FHIT: variants seen among roughly 807,000 people sequenced by gnomAD.
FHIT encodes fragile histidine triad diadenosine triphosphatase, also known as bis(5'-adenosyl)-triphosphatase.
In FHIT, 19 loss-of-function variants were observed where a neutral mutation model predicts 17.9. The observed-to-expected ratio is 1.06, with a 90% CI of 0.74 to 1.56. FHIT has a LOEUF of 1.56. Among genes scored for constraint, FHIT ranks in the 40% most tolerant of loss-of-function variants. The probability of loss-of-function intolerance (pLI) is 0.00; values close to 1 mark genes in which losing one functional copy is unlikely to be tolerated. For missense variants in FHIT, 248 were observed against 189.2 expected (o/e 1.31, Z -1.82); for synonymous variants, 81 against 69.7 (o/e 1.16, Z -0.81).
At chr3:60,278,790 T>C (rs541419800) in intron 5 of FHIT, among the ~76,000 whole-genome samples, 14 of 151,786 alleles carry the variant, frequency 9.2e-5, no homozygotes, top group Non-Finnish European at 1.8e-4. Context: ...AAATAAGGCA[T>C]GCAAAAAGAA....
chr3:60,220,017 G>A (rs958695432), intron 5 of FHIT, among the ~76,000 whole-genome samples: 2 of 152,154 alleles, frequency 1.3e-5, no homozygotes, highest in South Asian at 2.1e-4. Flanking sequence ...CAGTCCCCCT[G>A]ATACAAAAGC....
chr3:59,937,835 A>T (rs1156587195), intron 7 of FHIT, among the ~76,000 whole-genome samples: 1 of 152,206 alleles, frequency 6.6e-6, no homozygotes, highest in Non-Finnish European at 1.5e-5. Context: ...CTTGGTACAT[A>T]TGCTTTGTTG....
intron 5 of FHIT, among the ~76,000 whole-genome samples, chr3:60,053,639 T>C (rs990954299): frequency 2.6e-5 from 4 of 151,966 alleles, no homozygotes; most frequent in Non-Finnish European, 5.9e-5. Flanking sequence ...TACCAAAAGA[T>C]GGAAAGAAAT....
At chr3:61,198,593 A>G (rs976080307) in intron 2 of FHIT, among the ~76,000 whole-genome samples, 47 of 152,170 alleles carry the variant, frequency 3.1e-4, no homozygotes, top group Non-Finnish European at 6.5e-4. Context: ...GAAGCTAACT[A>G]GCAGTAGACT....
chr3:60,343,783 G>A (rs1476114582), intron 5 of FHIT, among the ~76,000 whole-genome samples: 1 of 152,136 alleles, frequency 6.6e-6, no homozygotes, highest in African/African-American at 2.4e-5. Flanking sequence ...ATCCCTTTCT[G>A]TCTTTACTTC....
At chr3:59,833,656 C>T (rs1005419364) in intron 8 of FHIT, among the ~76,000 whole-genome samples, 2 of 152,196 alleles carry the variant, frequency 1.3e-5, no homozygotes, top group Non-Finnish European at 2.9e-5. Context: ...TTTTTACCAA[C>T]AGATCCCATG....
chr3:60,231,145 T>C (rs1427798713), intron 5 of FHIT, among the ~76,000 whole-genome samples: 2 of 152,232 alleles, frequency 1.3e-5, no homozygotes, highest in Non-Finnish European at 2.9e-5. Context: ...TGCTCATATT[T>C]GTGAAATGGG....
chr3:59,948,357 A>G (rs1257925442), intron 7 of FHIT, among the ~76,000 whole-genome samples: 3 of 139,944 alleles, frequency 2.1e-5, no homozygotes, highest in Non-Finnish European at 4.6e-5. Context: ...ACAAAAAAAA[A>G]AAAAAAAAAA....
intron 7 of FHIT, among the ~76,000 whole-genome samples, chr3:60,004,309 AC>A (rs1699840541): frequency 6.6e-6 from 1 of 152,180 alleles, no homozygotes; most frequent in Admixed American, 6.6e-5. Context: ...TGTCGGCATT[AC>A]AAATAGCAAA....
chr3:60,550,612 T>G lies in FHIT; in HGVS notation c.-17-13633A>C, dbSNP rs1228257308. On this transcript the variant is annotated intron_variant, in intron 4 of 9. Transcript: ENST00000492590. Reference sequence around the variant, plus strand: ...CAGTTACCTCTTCTCTGTTCTGTCATTTTTTTTTTTTTTGTAAACCTACTT... The same window carrying G: ...CAGTTACCTCTTCTCTGTTCTGTCAGTTTTTTTTTTTTTGTAAACCTACTT... Among the ~76,000 whole-genome samples, 18 of 450 alleles carry G rather than the reference T, an allele frequency of 0.04. No homozygotes were observed. In the East Asian group the frequency reaches 0.43, roughly 11 times the overall value. 0.3% of individuals were successfully genotyped at this position (450 alleles called of 152,430 possible).
chr3:59,869,551 G>A (rs964913327), intron 8 of FHIT, among the ~76,000 whole-genome samples: 6 of 143,540 alleles, frequency 4.2e-5, no homozygotes, highest in Admixed American at 2.8e-4. Flanking sequence ...GAGCGATCTC[G>A]GCATACTGTA....
chr3:60,904,926 G>C (rs576644429), intron 3 of FHIT, among the ~76,000 whole-genome samples: 1 of 126,376 alleles, frequency 7.9e-6, no homozygotes, highest in Non-Finnish European at 1.6e-5. Context: ...GCAACAGAAC[G>C]AGACTTGGTC....
chr3:61,111,355 A>AT (rs892311612), intron 2 of FHIT, among the ~76,000 whole-genome samples: 3 of 151,930 alleles, frequency 2.0e-5, no homozygotes, highest in Non-Finnish European at 2.9e-5. Flanking sequence ...ACTGAATCTC[A>AT]TTTTTTTTCA....
chr3:60,395,203 G>A (rs141897405), intron 5 of FHIT, among the ~76,000 whole-genome samples: 1 of 152,282 alleles, frequency 6.6e-6, no homozygotes, highest in East Asian at 1.9e-4. Flanking sequence ...ATTTCTGCAA[G>A]GCAAGGGGAT....
intron 5 of FHIT, among the ~76,000 whole-genome samples, chr3:60,224,647 T>A (rs988686319): frequency 1.3e-5 from 2 of 152,124 alleles, no homozygotes; most frequent in African/African-American, 4.8e-5. Context: ...ACCCAAACCA[T>A]AATCTCCATG....
At chr3:60,143,682 A>G (rs961936190) in intron 5 of FHIT, among the ~76,000 whole-genome samples, 3 of 152,276 alleles carry the variant, frequency 2.0e-5, no homozygotes, top group East Asian at 1.9e-4. Flanking sequence ...ATTGCCAACT[A>G]TAAGTCAAAC....
intron 5 of FHIT, among the ~76,000 whole-genome samples, chr3:60,419,150 C>T (rs868103518): frequency 2.0e-5 from 3 of 152,154 alleles, no homozygotes; most frequent in Non-Finnish European, 4.4e-5. Context: ...CACTTACTGG[C>T]CAAGTCATCT....
chr3:60,310,839 C>A (rs1708910368), intron 5 of FHIT, among the ~76,000 whole-genome samples: 1 of 152,174 alleles, frequency 6.6e-6, no homozygotes, highest in Admixed American at 6.5e-5. Flanking sequence ...CCCAGATTCA[C>A]TGGTTATTAT....
At chr3:59,860,403 C>T (rs1428787644) in intron 8 of FHIT, among the ~76,000 whole-genome samples, 1 of 152,072 alleles carries the variant, frequency 6.6e-6, no homozygotes, top group East Asian at 1.9e-4. Flanking sequence ...AGAGTACTTG[C>T]AAACAAGCAA....
Sources: allele counts gnomAD v4.1 joint callset (sites outside exome capture counted in the v4.1 genomes callset), GRCh38; gene constraint gnomAD v4.1.1; transcripts MANE v1.5; gene names NCBI Gene and HGNC (gene_info 2026-07-23, HGNC 2026-07-21).